GRIP2: variants seen among roughly 807,000 people sequenced by gnomAD.
GRIP2 encodes the protein glutamate receptor interacting protein 2.
In GRIP2, 58 loss-of-function variants were observed where a neutral mutation model predicts 108.3. That is an observed-to-expected ratio of 0.54 (90% CI 0.43 to 0.67). GRIP2 has a LOEUF of 0.67. Ranked by LOEUF, GRIP2 falls within the 30% of genes least tolerant of loss-of-function variation. The pLI, the probability that GRIP2 is intolerant of heterozygous loss-of-function variation, is 0.00. For synonymous variants in GRIP2, 586 were observed against 598.2 expected (o/e 0.98, Z 0.30); for missense variants, 1,278 against 1,430.6 (o/e 0.89, Z 1.72).
chr3:14,499,788 T>A (rs1693717803), intron 21 of GRIP2, among the ~76,000 whole-genome samples: 2 of 152,094 alleles, frequency 1.3e-5, no homozygotes, highest in Admixed American at 1.3e-4. Context: ...TAAGTCTGTT[T>A]ACAGGGGTGT....
chr3:14,511,345 C>G lies in GRIP2; in HGVS notation c.1788-35G>C. The G allele has an allele frequency of 6.2e-7, 1 of 1,613,938 alleles. No homozygotes were observed. Among genetic ancestry groups the G allele is most frequent in the Non-Finnish European group, 8.5e-7 (1 of 1,179,858 alleles). On this transcript the variant is annotated intron_variant, in intron 15 of 23. Transcript: ENST00000621039. This position sits in a 1 kb window ranked among gnomAD's most constrained non-coding sequence, Gnocchi z 4.1. ...TCGGGGGCAGAGGGGATGGAAGGAG[C>G]CTGGTGCATGCAGGTGCCATACTCA...
chr3:14,592,095 T>C, the GRIP2 span, among the ~76,000 whole-genome samples: 1 of 152,250 alleles, frequency 6.6e-6, no homozygotes, highest in African/African-American at 2.4e-5. Context: ...CAGTAAAATG[T>C]AAATGGCCAC....
chr3:14,576,242 G>T, the GRIP2 span, among the ~76,000 whole-genome samples: 1 of 152,224 alleles, frequency 6.6e-6, no homozygotes, highest in Non-Finnish European at 1.5e-5. Flanking sequence ...AGCCTTCCAC[G>T]CAATTGGCGT....
chr3:14,585,362 G>A, the GRIP2 span, among the ~76,000 whole-genome samples: 3 of 152,350 alleles, frequency 2.0e-5, no homozygotes, highest in African/African-American at 7.2e-5. Flanking sequence ...TTTTAAAGGT[G>A]TTTGATTTAA....
chr3:14,557,599 C>T (rs114481913), upstream of GRIP2, among the ~76,000 whole-genome samples: 2,013 of 152,296 alleles, frequency 0.013, 43 homozygotes, highest in African/African-American at 0.045. Flanking sequence ...CAGGGCTAGC[C>T]GAGGAAGCAG....
chr3:14,546,795 C>T (rs1695065116), upstream of GRIP2, among the ~76,000 whole-genome samples: 1 of 152,110 alleles, frequency 6.6e-6, no homozygotes, highest in African/African-American at 2.4e-5. Context: ...GCTGGAAATG[C>T]AGACAAAACC....
the GRIP2 span, chr3:14,573,373 C>A: frequency 7.5e-7 from 1 of 1,332,012 alleles, no homozygotes; most frequent in East Asian, 2.3e-5. Context: ...TTCTCCAGGT[C>A]CCGCGGGATG....
chr3:14,518,582 A>G (rs1353305525), intron 9 of GRIP2, among the ~76,000 whole-genome samples: 4 of 151,636 alleles, frequency 2.6e-5, no homozygotes, highest in African/African-American at 9.7e-5. Context: ...CCTCCATCTG[A>G]TCCTCCAAAC....
At chr3:14,570,428 G>C in the GRIP2 span, among the ~76,000 whole-genome samples, 1 of 152,150 alleles carries the variant, frequency 6.6e-6, no homozygotes, top group Non-Finnish European at 1.5e-5. Flanking sequence ...GCCAGCTGGG[G>C]CCAGGACCAG....
At chr3:14,573,290 G>A in the GRIP2 span, 4 of 1,421,344 alleles carry the variant, frequency 2.8e-6, no homozygotes, top group Non-Finnish European at 4.0e-6. Flanking sequence ...ACAGCAGGAA[G>A]ATGGCACTGG....
In GRIP2 at chr3:14,527,420, G is replaced by GAAAGT. The variant is rs1332281770; in HGVS notation, c.41-1490_41-1489insACTTT. 8.7e-5 allele frequency among the ~76,000 whole-genome samples: 5 copies of GAAAGT among 57,578 alleles called. No homozygotes were observed. The East Asian group carries it at 5.3e-3, about 60-fold the overall frequency. The allele number at this position is 57,578 out of a possible 152,430, so 37.8% of individuals were successfully genotyped here. On this transcript the variant is annotated intron_variant, in intron 1 of 23. Transcript: ENST00000621039. ...AGGAAAGGAAAGAAGGAAAGCGAGGGGAGGGGAGGGGAGGGGAGGGAAGAG... is the reference window on the plus strand; with the variant it reads ...AGGAAAGGAAAGAAGGAAAGCGAGGGAAAGTGAGGGGAGGGGAGGGGAGGGAAGAG...
At position 14,512,722 on chromosome 3, in the gene GRIP2, T is replaced by A; in HGVS notation, c.1720+55A>T. 1.3e-6 allele frequency: 2 copies of A among 1,534,632 alleles called. No individual in the cohort carries two copies. The highest frequency in any genetic ancestry group is 1.8e-6 in the Non-Finnish European group (2 of 1,112,652). On this transcript the variant is annotated intron_variant, in intron 14 of 23. Coordinates refer to ENST00000621039, the MANE Select transcript of GRIP2 (RefSeq NM_001080423.4). The surrounding 1 kb of genome is among the most constrained non-coding windows in gnomAD (Gnocchi z 5.1). Reference sequence around the variant, plus strand: ...CTGGTCTGAGCTTGGCAAGCTCTTTTTCCCCAGCAGTTGAGCTCGCTCCCA... The same window carrying A: ...CTGGTCTGAGCTTGGCAAGCTCTTTATCCCCAGCAGTTGAGCTCGCTCCCA...
At chr3:14,535,837 A>T (rs1694820915) in intron 1 of GRIP2, among the ~76,000 whole-genome samples, 4 of 152,166 alleles carry the variant, frequency 2.6e-5, no homozygotes, top group Admixed American at 2.6e-4. Flanking sequence ...AGTTGCTGTA[A>T]TGCCTGCAGC....
the GRIP2 span, chr3:14,602,335 G>A: frequency 6.6e-6 from 1 of 152,092 alleles, no homozygotes. This position sits in a 1 kb window ranked among gnomAD's most constrained non-coding sequence, Gnocchi z 4.7. Context: ...GCCCGGGCAG[G>A]GGGCAGTGCG....
At chr3:14,494,784 C>T (rs1430553457) in intron 23 of GRIP2, 59 bp downstream of exon 23, 14 of 1,548,840 alleles carry the variant, frequency 9.0e-6, no homozygotes, top group Admixed American at 1.9e-5. Flanking sequence ...GGCTCTTTCC[C>T]CACCCTCAGG....
chr3:14,557,322 A>T (rs991626818), upstream of GRIP2, among the ~76,000 whole-genome samples: 5 of 152,240 alleles, frequency 3.3e-5, no homozygotes, highest in Admixed American at 3.3e-4. Context: ...GATTCCATGC[A>T]GGAGTCTCCT....
chr3:14,524,693 G>C (rs1694506732), intron 3 of GRIP2, among the ~76,000 whole-genome samples, 155 bp from the exon 4 acceptor site: 1 of 152,118 alleles, frequency 6.6e-6, no homozygotes, highest in African/African-American at 2.4e-5. Flanking sequence ...AGTTGTCCAG[G>C]GTCACACAGC....
the GRIP2 span, chr3:14,573,431 C>T: frequency 3.5e-6 from 5 of 1,425,960 alleles, no homozygotes; most frequent in Non-Finnish European, 4.9e-6. Context: ...TCCTGGTGTG[C>T]AGGAAGAGGG....
chr3:14,537,777 C>T (rs954887758), intron 1 of GRIP2, among the ~76,000 whole-genome samples: 3 of 152,218 alleles, frequency 2.0e-5, no homozygotes, highest in Admixed American at 2.0e-4. Context: ...GGGACCTTCA[C>T]ACATGTACAC....
Sources: allele counts gnomAD v4.1 joint callset (sites outside exome capture counted in the v4.1 genomes callset), GRCh38; gene constraint gnomAD v4.1.1; non-coding constraint Gnocchi (gnomAD v3.1); transcripts MANE v1.5; gene names NCBI Gene and HGNC (gene_info 2026-07-23, HGNC 2026-07-21).